ARHGEF28: variants seen among roughly 807,000 people sequenced by gnomAD.
The protein encoded by ARHGEF28 is 190 kDa guanine nucleotide exchange factor.
In ARHGEF28, 152 loss-of-function variants were observed where a neutral mutation model predicts 206.6. That is an observed-to-expected ratio of 0.74 (90% confidence interval 0.64 to 0.84). The LOEUF (loss-of-function observed/expected upper bound fraction) is 0.84. Among genes scored for constraint, ARHGEF28 ranks in the 40% least tolerant of loss-of-function variants. The pLI is 0.00. For missense variants in ARHGEF28, 2,028 were observed against 2,073.2 expected, an observed-to-expected ratio of 0.98 and a Z score of 0.42; for synonymous variants, 763 against 776.4, an observed-to-expected ratio of 0.98 and a Z score of 0.29.
intron 2 of ARHGEF28, among the ~76,000 whole-genome samples, chr5:73,739,486 A>G (rs1391592388): frequency 1.3e-5 from 2 of 152,338 alleles, no homozygotes; most frequent in South Asian, 2.1e-4. Flanking sequence ...AAGGAGTTAG[A>G]AAAATAAACC....
chr5:73,929,820 G>A (rs1764006903), intron 35 of ARHGEF28, among the ~76,000 whole-genome samples: 1 of 151,850 alleles, frequency 6.6e-6, no homozygotes, highest in Admixed American at 6.6e-5. Flanking sequence ...CTGTGTTACC[G>A]CTACATTTTT....
chr5:73,777,684 T>C (rs1753616068), intron 6 of ARHGEF28, among the ~76,000 whole-genome samples: 1 of 152,058 alleles, frequency 6.6e-6, no homozygotes, highest in African/African-American at 2.4e-5. Flanking sequence ...CTTTGCTGGG[T>C]TTTAGGGAAT....
At chr5:73,808,689 C>T (rs1408429818) in intron 9 of ARHGEF28, among the ~76,000 whole-genome samples, 2 of 152,278 alleles carry the variant, frequency 1.3e-5, no homozygotes, top group South Asian at 2.1e-4. Context: ...CTTATCCTAG[C>T]CTCAGAGGCC....
chr5:73,881,601 A>G (rs1760956716), intron 22 of ARHGEF28, among the ~76,000 whole-genome samples: 1 of 152,254 alleles, frequency 6.6e-6, no homozygotes, highest in Admixed American at 6.5e-5. Flanking sequence ...CATTCATATA[A>G]GCAAAGATGA....
chr5:73,753,494 C>A (rs1021413365), intron 4 of ARHGEF28, among the ~76,000 whole-genome samples: 2 of 152,200 alleles, frequency 1.3e-5, no homozygotes, highest in Admixed American at 1.3e-4. Context: ...GCTCCACTTC[C>A]CTTGGCAAGT....
chr5:73,817,596 A>G (rs1293675717), intron 9 of ARHGEF28, among the ~76,000 whole-genome samples: 1 of 152,236 alleles, frequency 6.6e-6, no homozygotes, highest in East Asian at 1.9e-4. Context: ...TGAAAGAATG[A>G]CATATGAATA....
At position 73,909,785 on chromosome 5, in the gene ARHGEF28, G is replaced by A. The variant is rs1370755407; in HGVS notation, c.4535G>A (p.Arg1512His). 6.6e-7 allele frequency: 1 copy of A among 1,519,304 alleles called. No homozygotes were observed. The highest frequency in any genetic ancestry group is 8.8e-7 in the Non-Finnish European group (1 of 1,138,394). The allele number at this position is 1,519,304 out of a possible 1,614,324, so 94.1% of individuals were successfully genotyped here. A position where few individuals can be genotyped will look rare whatever the true frequency, so the allele number is the denominator to read the frequency against. ...CTGGAGCGGCTGAGGGAGGGCCAGC[G>A]CCTGGTGGAGAGGGAGCAGGCGAGG... is the stretch of plus-strand genomic sequence containing the variant. ...HSLERLREGQ[R>H]LVEREQARMR... Residue 1512 changes from arginine to histidine, a missense_variant, in exon 34 of 36, where the codon CGC becomes CAC. Physicochemically the swap from Arg to His is conservative, Grantham distance 29. Around this residue, in one of 3 missense-constraint regions of ARHGEF28, gnomAD observed 803 missense variants for 768.0 expected, o/e 1.05. Transcript: ENST00000513042.
intron 1 of ARHGEF28, among the ~76,000 whole-genome samples, chr5:73,652,053 A>C (rs1208274918): frequency 6.6e-6 from 1 of 152,194 alleles, no homozygotes; most frequent in Non-Finnish European, 1.5e-5. Flanking sequence ...GTGGAGATAA[A>C]TTGAGGATAA....
At chr5:73,902,078 T>G (rs946019979) in intron 31 of ARHGEF28, 15 of 152,284 alleles carry the variant, frequency 9.9e-5, no homozygotes, top group Middle Eastern at 3.4e-3. Context: ...AAATGGCAAA[T>G]GTCAGATCTT....
intron 35 of ARHGEF28, among the ~76,000 whole-genome samples, chr5:73,919,279 T>A (rs1307069814): frequency 6.6e-6 from 1 of 152,142 alleles, no homozygotes; most frequent in Non-Finnish European, 1.5e-5. Context: ...AGCTGTAAAT[T>A]GGGAAATTTT....
chr5:73,714,915 A>G (rs1749484738), intron 2 of ARHGEF28, among the ~76,000 whole-genome samples: 1 of 152,180 alleles, frequency 6.6e-6, no homozygotes, highest in African/African-American at 2.4e-5. Flanking sequence ...CTAGCGTGTG[A>G]GTGTTGAGAA....
chr5:73,718,473 G>A (rs949519301), intron 2 of ARHGEF28, among the ~76,000 whole-genome samples: 4 of 152,272 alleles, frequency 2.6e-5, no homozygotes, highest in Non-Finnish European at 2.9e-5. Flanking sequence ...CAAATGTATG[G>A]GGACAGGGGA....
chr5:73,891,503 G>T (rs973095953), intron 26 of ARHGEF28, among the ~76,000 whole-genome samples: 9 of 151,486 alleles, frequency 5.9e-5, no homozygotes, highest in African/African-American at 2.2e-4. Context: ...TGATTGTTCT[G>T]TCTTTTAAAA....
intron 1 of ARHGEF28, among the ~76,000 whole-genome samples, chr5:73,648,953 C>T (rs1007554197): frequency 6.6e-6 from 1 of 152,158 alleles, no homozygotes; most frequent in African/African-American, 2.4e-5. Context: ...TGCCATCTTT[C>T]AGGAAAATAA....
At chr5:73,813,869 A>G (rs1186837595) in intron 9 of ARHGEF28, among the ~76,000 whole-genome samples, 2 of 151,756 alleles carry the variant, frequency 1.3e-5, no homozygotes, top group Non-Finnish European at 2.9e-5. Flanking sequence ...TTCACTTTGA[A>G]TCTACCTACC....
chr5:73,760,701 G>A (rs184548041), intron 4 of ARHGEF28, among the ~76,000 whole-genome samples: 5 of 152,084 alleles, frequency 3.3e-5, no homozygotes, highest in Admixed American at 3.3e-4. Context: ...CATTCCTTTT[G>A]TAGTTTTTAA....
In ARHGEF28 at chr5:73,749,818, C is replaced by T. The variant is rs758442015; in HGVS notation, c.34-19C>T. 34 of 1,613,102 alleles carry T rather than the reference C, an allele frequency of 2.1e-5. No homozygotes were observed. Among genetic ancestry groups the T allele is most frequent in the East Asian group, 4.5e-5 (2 of 44,884 alleles). ...AGGACAAGGAAGTCTGACAATGCCC[C>T]GACTTATTCCTTTTTCAGGGGCAGA... On this transcript the variant is annotated intron_variant, in intron 2 of 35. Transcript: ENST00000513042.
intron 22 of ARHGEF28, among the ~76,000 whole-genome samples, chr5:73,881,692 A>C (rs376639164): frequency 3.3e-4 from 50 of 152,330 alleles, no homozygotes; most frequent in African/African-American, 1.2e-3. Flanking sequence ...ATGCTCTTCA[A>C]GGGGACGTGT....
chr5:73,682,777 G>A (rs531902970), intron 1 of ARHGEF28, among the ~76,000 whole-genome samples: 41 of 152,284 alleles, frequency 2.7e-4, no homozygotes, highest in South Asian at 1.4e-3. Flanking sequence ...GCATGGTGGC[G>A]CATGCCTGTA....
Sources: gnomAD v4.1 joint callset for allele counts (sites outside exome capture counted in the v4.1 genomes callset) on GRCh38, gnomAD v4.1.1 for gene constraint, gnomAD v4.1.1 regional missense constraint, MANE v1.5 for transcripts, NCBI Gene and HGNC (gene_info 2026-07-23, HGNC 2026-07-21) for gene names.